The following LEO1 variants were observed in gnomAD, a reference collection of about 807,000 sequenced individuals.
The protein encoded by LEO1 is RNA polymerase-associated protein LEO1.
LEO1 carries 34 observed loss-of-function variants against 80.4 expected under a neutral mutation model. That is an observed-to-expected ratio of 0.42 (90% CI 0.32 to 0.56). LEO1 has a LOEUF of 0.56. Among genes scored for constraint, LEO1 ranks in the 20% least tolerant of loss-of-function variants. The probability of loss-of-function intolerance (pLI) is 0.10; values close to 1 mark genes in which losing one functional copy is unlikely to be tolerated. For missense variants in LEO1, 631 were observed against 814.2 expected, an observed-to-expected ratio of 0.77 and a Z score of 2.74; for synonymous variants, 262 against 274.9, an observed-to-expected ratio of 0.95 and a Z score of 0.46.
chr15:51,953,694 C>A (rs151240412), intron 7 of LEO1, among the ~76,000 whole-genome samples: 3 of 151,622 alleles, frequency 2.0e-5, no homozygotes, highest in South Asian at 4.2e-4. Context: ...TTGGAAGGAA[C>A]GAAAATAAGA....
chr15:51,943,582 C>A (rs1199512051), intron 11 of LEO1, among the ~76,000 whole-genome samples: 4 of 151,636 alleles, frequency 2.6e-5, no homozygotes, highest in Non-Finnish European at 5.9e-5. Context: ...TGCCTGTAAT[C>A]CCAGCTACTT....
At chr15:51,952,123 A>G in intron 8 of LEO1, 144 bp from the exon 9 acceptor site, 4 of 556,160 alleles carry the variant, frequency 7.2e-6, no homozygotes, top group Non-Finnish European at 1.2e-5. Flanking sequence ...TGAATATACC[A>G]AGGTGGAAGA....
intron 7 of LEO1, among the ~76,000 whole-genome samples, chr15:51,953,630 A>C (rs772353247): frequency 1.8e-4 from 28 of 152,114 alleles, no homozygotes; most frequent in African/African-American, 3.9e-4. Context: ...AAGGAAAAAA[A>C]AAAACAAAAC....
At chr15:51,959,780 A>C in intron 5 of LEO1, 119 bp downstream of exon 5, 8 of 906,894 alleles carry the variant, frequency 8.8e-6, no homozygotes, top group Non-Finnish European at 1.3e-5. Flanking sequence ...TAATTTTTTC[A>C]GAGATACACG....
At chr15:51,954,279 T>C (rs113059690) in intron 7 of LEO1, among the ~76,000 whole-genome samples, 1 of 151,886 alleles carries the variant, frequency 6.6e-6, no homozygotes, top group East Asian at 1.9e-4. Flanking sequence ...TCCCAGCTAC[T>C]TGGGAGATGG....
chr15:51,948,086 G>A (rs956886702), intron 10 of LEO1, among the ~76,000 whole-genome samples: 1 of 152,150 alleles, frequency 6.6e-6, no homozygotes, highest in East Asian at 1.9e-4. Flanking sequence ...TGTAAAGACC[G>A]TTTGTTGCCA....
intron 7 of LEO1, among the ~76,000 whole-genome samples, 153 bp downstream of exon 7, chr15:51,954,328 G>A (rs2056971689): frequency 6.6e-6 from 1 of 151,886 alleles, no homozygotes; most frequent in South Asian, 2.1e-4. Context: ...GCTCCACTGA[G>A]CTGTTATCAT....
At chr15:51,954,654 A>G in intron 6 of LEO1, 79 bp from the exon 7 acceptor site, 2 of 903,018 alleles carry the variant, frequency 2.2e-6, no homozygotes, top group Non-Finnish European at 1.8e-6. Context: ...AGAGGCACAT[A>G]ATCACAGAAT....
At chr15:51,942,226 CG>C (rs1436481927) in intron 11 of LEO1, among the ~76,000 whole-genome samples, 1 of 151,898 alleles carries the variant, frequency 6.6e-6, no homozygotes, top group Admixed American at 6.6e-5. Flanking sequence ...GAGGTCCAGA[CG>C]GAAGTAAAAT....
chr15:51,954,415 T>C (rs998227117), intron 7 of LEO1, 66 bp downstream of exon 7: 4 of 924,100 alleles, frequency 4.3e-6, no homozygotes, highest in Non-Finnish European at 7.0e-6. Flanking sequence ...CTAAAAAGTA[T>C]TTCAAAACTT....
At chr15:51,960,205 TG>T (rs1035007860) in intron 4 of LEO1, among the ~76,000 whole-genome samples, 161 bp from the exon 5 acceptor site, 2 of 152,100 alleles carry the variant, frequency 1.3e-5, no homozygotes, top group African/African-American at 4.8e-5. Flanking sequence ...ACACACAAAA[TG>T]GGAAACGATC....
chr15:51,960,436 CAT>C (rs2057021042), intron 4 of LEO1, among the ~76,000 whole-genome samples: 1 of 152,214 alleles, frequency 6.6e-6, no homozygotes, highest in Non-Finnish European at 1.5e-5. Context: ...TCCCCTAAGG[CAT>C]GACACCAACC....
chr15:51,952,323 AATTAATATTAATAT>A lies in LEO1; in HGVS notation c.1476-358_1476-345del, dbSNP rs200954310. The A allele has an allele frequency of 4.9e-3, 748 of 151,296 alleles. 3 individuals are homozygous for A. The highest frequency in any genetic ancestry group is 0.014 in the Middle Eastern group (4 of 286). The allele number at this position is 151,296 out of a possible 1,614,324, so 9.4% of individuals were successfully genotyped here. On this transcript the variant is annotated intron_variant, in intron 8 of 11. Coordinates refer to ENST00000299601, the MANE Select transcript of LEO1 (RefSeq NM_138792.4). ...AATTGCGGTTTTTGCCATTACTTTT[AATTAATATTAATAT>A]ATTAATATTAATATAATTATCCTAT...
intron 6 of LEO1, 91 bp from the exon 7 acceptor site, chr15:51,954,666 AG>A: frequency 2.4e-6 from 2 of 823,630 alleles, no homozygotes; most frequent in Non-Finnish European, 4.2e-6. Context: ...TCACAGAATA[AG>A]CATACAGAGG....
intron 2 of LEO1, among the ~76,000 whole-genome samples, chr15:51,964,176 A>G (rs1470052932): frequency 6.6e-6 from 1 of 151,912 alleles, no homozygotes; most frequent in Admixed American, 6.6e-5. Flanking sequence ...ACTACACTCC[A>G]GCCTGGGAGA....
At chr15:51,948,191 T>C (rs2056918305) in intron 10 of LEO1, among the ~76,000 whole-genome samples, 2 of 152,274 alleles carry the variant, frequency 1.3e-5, no homozygotes, top group African/African-American at 2.4e-5. Context: ...CCGAGGACTT[T>C]AGACCAAGCC....
Position 51,949,812 on chromosome 15 carries a change from A to C in LEO1, c.1794T>G (p.Ile598Met). The C allele has an allele frequency of 6.2e-7, 1 of 1,612,866 alleles. No individual in the cohort carries two copies. The highest frequency in any genetic ancestry group is 2.2e-5 in the East Asian group (1 of 44,878). The change falls in exon 10 of 12, where the codon ATT becomes ATG. Residue 598 changes from isoleucine (I) to methionine (M), a missense_variant. Physicochemically the swap from Ile to Met is conservative, Grantham distance 10. Transcript: ENST00000299601. ...AAIKNRYKGG[I>M]REERARIYSS... ...TAATTTCCATACACGACTCACCTCG[A>C]ATGCCCCCTTTATATCGGTTTTTAA...
At position 51,965,777 on chromosome 15, in the gene LEO1, A is replaced by C. The variant is rs2057069792; in HGVS notation, c.786T>G (p.Asp262Glu). The C allele has an allele frequency of 2.5e-6, 4 of 1,610,112 alleles. No homozygotes were observed. The highest frequency in any genetic ancestry group is 2.2e-5 in the East Asian group (1 of 44,854). The change falls in exon 2 of 12, where the codon GAT becomes GAG. Residue 262 changes from aspartate to glutamate, a missense_variant. This residue lies in a region of LEO1 where 394 missense variants were observed against 395.6 expected (regional missense o/e 1.00). Transcript: ENST00000299601. ...ATTTATGATCCTGTTCCTCTTCATC[A>C]TCTGAATGCCTGTGTTCTTCATCTG... ...QASDEEHRHS[D>E]DEEEQDHKSE...
chr15:51,946,974 G>T, intron 11 of LEO1: 1 of 299,016 alleles, frequency 3.3e-6, no homozygotes, highest in East Asian at 1.0e-4. Flanking sequence ...TCAGGGACCT[G>T]CACCTTTTCT....
Sources: allele counts gnomAD v4.1 joint callset (sites outside exome capture counted in the v4.1 genomes callset), GRCh38; gene constraint gnomAD v4.1.1; regional missense constraint gnomAD v4.1.1; transcripts MANE v1.5; gene names NCBI Gene and HGNC (gene_info 2026-07-23, HGNC 2026-07-21).